Variants in AQP4 observed in about 807,000 individuals in gnomAD.
The protein encoded by AQP4 is aquaporin 4.
A neutral mutation model predicts 27.8 loss-of-function variants in AQP4; 18 were observed. The ratio of observed to expected loss-of-function variants is 0.65; its 90% CI spans 0.45 to 0.96. The LOEUF is 0.96. AQP4 is among the 40% of genes least tolerant of loss of function. The pLI is 0.00. For synonymous variants in AQP4, 141 were observed against 142.9 expected (o/e 0.99, Z 0.10); for missense variants, 412 against 408.2 (o/e 1.01, Z -0.08).
intron 4 of AQP4, 141 bp from the exon 5 acceptor site, chr18:26,856,630 T>G: frequency 3.2e-6 from 3 of 951,000 alleles, no homozygotes; most frequent in Non-Finnish European, 4.8e-6. Context: ...GGAGAGGAAA[T>G]AAGAAAACAC....
chr18:26,859,822 C>CTGAA (rs1239416317), intron 4 of AQP4, among the ~76,000 whole-genome samples: 1 of 152,156 alleles, frequency 6.6e-6, no homozygotes, highest in Non-Finnish European at 1.5e-5. Context: ...TAATCACTGT[C>CTGAA]TGAATAAACA....
intron 4 of AQP4, among the ~76,000 whole-genome samples, chr18:26,858,052 CT>C: frequency 6.6e-6 from 1 of 152,006 alleles, no homozygotes. Context: ...GGGTGGATTG[CT>C]TGAGCCCAGG....
At chr18:26,860,899 A>C in intron 3 of AQP4, 47 bp from the exon 4 acceptor site, 2 of 1,557,174 alleles carry the variant, frequency 1.3e-6, no homozygotes, top group South Asian at 1.1e-5. Context: ...AAACAGGGCT[A>C]CTAGCAAGTA....
rs1005663943 is a variant in AQP4, at chr18:26,864,000, G to A, written c.33-1404C>T. ...ATGGCTAGGATTCCCCTTTTGGGGG[G>A]GGGGGGCAATTACCCCAGTTACCCT... On this transcript the variant is annotated intron_variant, in intron 1 of 4. Transcript: ENST00000383168. Among the ~76,000 whole-genome samples, 5 of 152,100 alleles carry A rather than the reference G, an allele frequency of 3.3e-5. No homozygotes were observed. The East Asian group carries it at 7.7e-4, about 23-fold the overall frequency.
At chr18:26,860,642 G>A (rs1346777039) in intron 4 of AQP4, 130 bp downstream of exon 4, 1 of 817,104 alleles carries the variant, frequency 1.2e-6, no homozygotes, top group African/African-American at 1.7e-5. Flanking sequence ...TATGAAAGAT[G>A]TAATAAAGTG....
Position 26,861,268 on chromosome 18 carries a change from C to T in AQP4, c.475G>A (p.Gly159Ser). Residue 159 changes from glycine to serine, a missense_variant, in exon 3 of 5, where the codon GGT becomes AGT. Physicochemically the swap from Gly to Ser is moderately conservative, Grantham distance 56. Transcript: ENST00000383168. The stretch of plus-strand genomic sequence containing the variant: ...GTGATTATCAACTCAACCAGGAGAC[C>T]ATGACCAGCGGTAAGATTTCCATGA... ...MVHGNLTAGH[G>S]LLVELIITFQ... 2 of 1,614,028 alleles carry T rather than the reference C, an allele frequency of 1.2e-6. No homozygotes were observed. The highest frequency in any genetic ancestry group is 1.7e-6 in the Non-Finnish European group (2 of 1,179,930).
At position 26,860,759 on chromosome 18, in the gene AQP4, A is replaced by C. The variant is rs755252858; in HGVS notation, c.693+13T>G. On this transcript the variant is annotated intron_variant, in intron 4 of 4. Coordinates refer to ENST00000383168, the MANE Select transcript of AQP4 (RefSeq NM_001650.7). ...AACTGTAGGAAGATGGGAACTATCA[A>C]TATGAGGGTTACCCAATGGTTTTCC... is the stretch of plus-strand genomic sequence containing the variant. The C allele has an allele frequency of 1.2e-6, 2 of 1,607,470 alleles. No homozygotes were observed. Among genetic ancestry groups the C allele is most frequent in the Non-Finnish European group, 1.7e-6 (2 of 1,173,892 alleles).
chr18:26,855,322 G>A lies in AQP4; in HGVS notation c.*889C>T, dbSNP rs2054821688. On this transcript the variant is annotated 3_prime_UTR_variant, in exon 5 of 5. Coordinates refer to ENST00000383168, the MANE Select transcript of AQP4 (RefSeq NM_001650.7). ...TTGCCAATAAATTTTTTAAAAATAA[G>A]CAAAGTGGTAAAGGGGTTAAAAGCT... 1 of 152,142 alleles carries A rather than the reference G, an allele frequency of 6.6e-6. No individual in the cohort carries two copies. Among genetic ancestry groups the A allele is most frequent in the East Asian group, 1.9e-4 (1 of 5,198 alleles). The allele number at this position is 152,142 out of a possible 1,614,324, so 9.4% of individuals were successfully genotyped here.
In AQP4 at chr18:26,852,875, AC is replaced by A. The variant is rs1156700373; in HGVS notation, c.*3335del. The A allele has an allele frequency of 1.0e-5, 4 of 398,476 alleles. No individual in the cohort carries two copies. Among genetic ancestry groups the A allele is most frequent in the Non-Finnish European group, 1.8e-5 (4 of 226,024 alleles). The allele number at this position is 398,476 out of a possible 1,614,324, so 24.7% of individuals were successfully genotyped here. Reference sequence around the variant, plus strand: ...CCCCAGACTTCCATCTTCAGTTGCCACAAAGGCAAATTCTCTGTGAATTGTT... The same window carrying A: ...CCCCAGACTTCCATCTTCAGTTGCCAAAAGGCAAATTCTCTGTGAATTGTT... On this transcript the variant is annotated 3_prime_UTR_variant, in exon 5 of 5. Coordinates refer to ENST00000383168, the MANE Select transcript of AQP4 (RefSeq NM_001650.7).
intron 4 of AQP4, 189 bp downstream of exon 4, chr18:26,860,583 C>T: frequency 1.7e-6 from 1 of 594,318 alleles, no homozygotes; most frequent in Non-Finnish European, 3.0e-6. Flanking sequence ...AGATGTTTTA[C>T]ATCTCTTATC....
chr18:26,856,584 A>G, intron 4 of AQP4, 95 bp from the exon 5 acceptor site: 2 of 1,425,022 alleles, frequency 1.4e-6, no homozygotes, highest in South Asian at 1.2e-5. Flanking sequence ...TTAAATTAAG[A>G]GTGTATTTGT....
rs547340212 is a variant in AQP4 at position 26,860,605 on chromosome 18, G to T, written c.693+167C>A. On this transcript the variant is annotated intron_variant, in intron 4 of 4. Coordinates refer to ENST00000383168, the MANE Select transcript of AQP4 (RefSeq NM_001650.7). ...TTACATCTCTTATCTTTTTACAGCA[G>T]ATCTGTGCTATTCTTTCCCTAGTCT... 6.7e-4 allele frequency: 459 copies of T among 681,312 alleles called. 2 individuals are homozygous for T. Among genetic ancestry groups the T allele is most frequent in the Non-Finnish European group, 3.7e-4 (141 of 379,674 alleles). The allele number at this position is 681,312 out of a possible 1,614,324, so 42.2% of individuals were successfully genotyped here. A position where few individuals can be genotyped will look rare whatever the true frequency, so the allele number is the denominator to read the frequency against.
intron 4 of AQP4, 67 bp downstream of exon 4, chr18:26,860,705 A>G: frequency 1.4e-6 from 2 of 1,412,724 alleles, no homozygotes; most frequent in Middle Eastern, 1.8e-4. Context: ...ATAATGAAAA[A>G]TAAAAGAGCC....
In AQP4 at chr18:26,856,225, A is replaced by G. The variant is rs763023081; in HGVS notation, c.958T>C (p.Leu320=). The G allele has an allele frequency of 3.7e-6, 6 of 1,614,206 alleles. No homozygotes were observed. Among genetic ancestry groups the G allele is most frequent in the Non-Finnish European group, 5.1e-6 (6 of 1,180,038 alleles). ...CGATCTTCTAGTCATACTGAAGACAATACCTCTCCAGATTGGTCTTTCCCC... is the reference window on the plus strand; with the variant it reads ...CGATCTTCTAGTCATACTGAAGACAGTACCTCTCCAGATTGGTCTTTCCCC... ...KKGKDQSGEV[L]SSV The change falls in exon 5 of 5, where the codon TTG becomes CTG. Residue 320 remains leucine (L), a synonymous_variant. Transcript: ENST00000383168.
intron 1 of AQP4, 134 bp downstream of exon 1, chr18:26,865,524 T>C: frequency 9.0e-7 from 1 of 1,113,838 alleles, no homozygotes; most frequent in South Asian, 1.2e-5. Flanking sequence ...AGTACTCAGA[T>C]CTAAAAGAAC....
chr18:26,863,180 G>A (rs2054990511), intron 1 of AQP4: 1 of 159,786 alleles, frequency 6.3e-6, no homozygotes, highest in Non-Finnish European at 1.4e-5. Context: ...ACTAGCAAGG[G>A]CGATGGGAAC....
intron 1 of AQP4, chr18:26,865,405 C>T: frequency 1.7e-6 from 1 of 597,230 alleles, no homozygotes; most frequent in South Asian, 2.0e-5. Context: ...AGATTCACCT[C>T]CATAGGGTAA....
At chr18:26,865,211 A>G (rs1377281665) in intron 1 of AQP4, 2 of 284,182 alleles carry the variant, frequency 7.0e-6, no homozygotes, top group Non-Finnish European at 1.4e-5. Context: ...GTGTTCCCTT[A>G]TATGTTCACA....
intron 2 of AQP4, 95 bp downstream of exon 2, chr18:26,862,087 A>C: frequency 7.1e-7 from 1 of 1,411,666 alleles, no homozygotes; most frequent in Non-Finnish European, 1.0e-6. Context: ...TAAATTAGCT[A>C]TTTTAGGGAT....
Sources: allele counts gnomAD v4.1 joint callset (sites outside exome capture counted in the v4.1 genomes callset), GRCh38; gene constraint gnomAD v4.1.1; transcripts MANE v1.5; gene names NCBI Gene and HGNC (gene_info 2026-07-23, HGNC 2026-07-21).